The following DENND3 variants were observed in gnomAD, a reference collection of about 807,000 sequenced individuals.
The protein encoded by DENND3 is DENN domain containing 3.
In DENND3, 88 loss-of-function variants were observed where a neutral mutation model predicts 135.1. The observed-to-expected ratio is 0.65, with a 90% CI of 0.55 to 0.78. The LOEUF (loss-of-function observed/expected upper bound fraction) is 0.78, where lower values mean the gene tolerates loss of function less well. Ranked by LOEUF, DENND3 falls within the 30% of genes least tolerant of loss-of-function variation. The pLI is 0.00. For synonymous variants in DENND3, 693 were observed against 712.3 expected, an observed-to-expected ratio of 0.97 and a Z score of 0.43; for missense variants, 1,392 against 1,688.4, an observed-to-expected ratio of 0.82 and a Z score of 3.08.
rs77686965 is a variant in DENND3, at chr8:141,131,879, G to A, written c.102+3070G>A. Among the ~76,000 whole-genome samples, 415 of 152,256 alleles carry A rather than the reference G, an allele frequency of 2.7e-3. 1 individual carries two copies. Among genetic ancestry groups the A allele is most frequent in the Non-Finnish European group, 3.9e-3 (265 of 68,006 alleles). ...GACTGGCAGAGGTGACTAGCGTCTCGGTGGTGGCGGGGTCTGGTTGTTCAG... is the reference window on the plus strand; with the variant it reads ...GACTGGCAGAGGTGACTAGCGTCTCAGTGGTGGCGGGGTCTGGTTGTTCAG... On this transcript the variant is annotated intron_variant, in intron 1 of 22. Transcript: ENST00000519811.
intron 8 of DENND3, among the ~76,000 whole-genome samples, chr8:141,160,181 T>A (rs1163590588): frequency 1.2e-5 from 1 of 84,046 alleles, no homozygotes; most frequent in Non-Finnish European, 2.5e-5. Context: ...GATGTATTTT[T>A]TTTTTTTTTT....
chr8:141,186,119 G>A (rs898522416), intron 18 of DENND3, among the ~76,000 whole-genome samples: 3 of 151,782 alleles, frequency 2.0e-5, no homozygotes, highest in East Asian at 2.0e-4. Context: ...TGTATTTTTT[G>A]TAGAGATGAG....
At chr8:141,165,317 CAGCTCTTT>C in intron 11 of DENND3, 28 bp downstream of exon 11, 2 of 1,574,126 alleles carry the variant, frequency 1.3e-6, no homozygotes, top group Non-Finnish European at 1.7e-6. Context: ...TTTGGATCTG[CAGCTCTTT>C]AGGAATCACA....
chr8:141,190,562 A>G lies in DENND3; in HGVS notation c.3379+145A>G, dbSNP rs1295931297. The stretch of plus-strand genomic sequence containing the variant: ...ACTCGGGTTCCCTTTCTGTGGTCGC[A>G]GCAACCTTTACTCCACCTGCACTGC... On this transcript the variant is annotated intron_variant, in intron 20 of 22. Coordinates refer to ENST00000519811, the MANE Select transcript of DENND3 (RefSeq NM_001352890.3). The G allele has an allele frequency of 3.9e-6, 5 of 1,280,002 alleles. No individual in the cohort carries two copies. The East Asian group carries it at 1.4e-4, about 36-fold the overall frequency. The allele number at this position is 1,280,002 out of a possible 1,614,324, so 79.3% of individuals were successfully genotyped here.
At position 141,166,262 on chromosome 8, in the gene DENND3, G is replaced by A; in HGVS notation, c.1626G>A (p.Leu542=). Residue 542 remains leucine, a synonymous_variant, in exon 12 of 23, where the codon CTG becomes CTA. Coordinates refer to ENST00000519811, the MANE Select transcript of DENND3 (RefSeq NM_001352890.3). The surrounding 1 kb of genome is among the most constrained non-coding windows in gnomAD (Gnocchi z 4.3). ...EKRASRKSSH[L]HVTHRRMVVS... The stretch of plus-strand genomic sequence containing the variant: ...GAGCCTCCCGGAAGTCCTCGCACCT[G>A]CATGTCACCCACAGGCGCATGGTGG... 1 of 1,614,144 alleles carries A rather than the reference G, an allele frequency of 6.2e-7. No individual in the cohort carries two copies. The highest frequency in any genetic ancestry group is 1.1e-5 in the South Asian group (1 of 91,086).
In DENND3 at chr8:141,154,237, T is replaced by G. The variant is rs185312578; in HGVS notation, c.1075-1612T>G. Among the ~76,000 whole-genome samples, 10 of 152,362 alleles carry G rather than the reference T, an allele frequency of 6.6e-5. No individual in the cohort carries two copies. The East Asian group carries it at 1.9e-3, about 29-fold the overall frequency. On this transcript the variant is annotated intron_variant, in intron 7 of 22. Transcript: ENST00000519811. The surrounding 1 kb of genome is among the most constrained non-coding windows in gnomAD (Gnocchi z 4.4). ...CCTTCCCCAGGAACCTGGCATTGCA[T>G]TCCGGGGCTGTTGAAGTGCAGGGCT... is the stretch of plus-strand genomic sequence containing the variant.
Position 141,141,432 on chromosome 8 carries a change from T to G in DENND3, c.623+108T>G. ...GAGGTGGTGGGGGGGCAGCTCTCTG[T>G]TCCTCTCCTGGTGAGCCGGGGGACC... is the stretch of plus-strand genomic sequence containing the variant. On this transcript the variant is annotated intron_variant, in intron 4 of 22. Transcript: ENST00000519811. The surrounding 1 kb of genome is among the most constrained non-coding windows in gnomAD (Gnocchi z 5.3). The G allele has an allele frequency of 5.6e-5, 64 of 1,135,880 alleles. No individual in the cohort carries two copies. Among genetic ancestry groups the G allele is most frequent in the East Asian group, 1.9e-4 (5 of 26,656 alleles). 70.4% of individuals were successfully genotyped at this position (1,135,880 alleles called of 1,614,324 possible). A position where few individuals can be genotyped will look rare whatever the true frequency, so the allele number is the denominator to read the frequency against.
intron 13 of DENND3, among the ~76,000 whole-genome samples, chr8:141,172,946 A>G (rs1208290533): frequency 1.8e-5 from 2 of 111,498 alleles, no homozygotes. Flanking sequence ...AAATACATAA[A>G]ATAAAAACTA....
At chr8:141,173,266 A>G (rs901181843) in intron 13 of DENND3, among the ~76,000 whole-genome samples, 1 of 152,208 alleles carries the variant, frequency 6.6e-6, no homozygotes, top group African/African-American at 2.4e-5. Flanking sequence ...GAACAATTGC[A>G]CTAGGCCTAC....
At chr8:141,134,786 G>A (rs1024644576) in intron 1 of DENND3, among the ~76,000 whole-genome samples, 1 of 152,154 alleles carries the variant, frequency 6.6e-6, no homozygotes, top group Non-Finnish European at 1.5e-5. Context: ...TTGAGTGTTG[G>A]CTGTGCGTTT....
At chr8:141,153,055 G>A (rs547544929) in intron 7 of DENND3, among the ~76,000 whole-genome samples, 14 of 150,600 alleles carry the variant, frequency 9.3e-5, no homozygotes, top group Non-Finnish European at 1.8e-4. Context: ...GTACAGGGTC[G>A]GTTTACATTT....
chr8:141,155,287 T>C (rs1048384078), intron 7 of DENND3, among the ~76,000 whole-genome samples: 2 of 152,194 alleles, frequency 1.3e-5, no homozygotes, highest in Non-Finnish European at 2.9e-5. Context: ...TTACCACAAT[T>C]AAGAAAAATA....
chr8:141,192,281 A>G lies in DENND3; in HGVS notation c.3380-50A>G, dbSNP rs377137383. 1.6e-5 allele frequency: 26 copies of G among 1,603,584 alleles called. No individual in the cohort carries two copies. The African/African-American group carries it at 2.5e-4, about 16-fold the overall frequency. ...AGGCCGGCTCTGGTGCTGGCGTCTT[A>G]TGTTGCCAATGACACTGCCTGGCCC... On this transcript the variant is annotated intron_variant, in intron 20 of 22. Transcript: ENST00000519811.
At position 141,185,277 on chromosome 8, in the gene DENND3, T is replaced by C. The variant is rs747898638; in HGVS notation, c.3083T>C (p.Val1028Ala). 9.4e-5 allele frequency: 152 copies of C among 1,614,018 alleles called. No homozygotes were observed. Among genetic ancestry groups the C allele is most frequent in the Non-Finnish European group, 1.3e-4 (149 of 1,180,010 alleles). The change falls in exon 18 of 23, where the codon GTG becomes GCG. Residue 1028 changes from valine to alanine, a missense_variant and splice_region_variant. Coordinates refer to ENST00000519811, the MANE Select transcript of DENND3 (RefSeq NM_001352890.3). The stretch of plus-strand genomic sequence containing the variant: ...TCCTTTAAAGTGGGCACTGCAAAAG[T>C]GGTGAGTACACGAAGCGTCAGGAAA... ...QHSFKVGTAKVNCMVMADQNQ... is the reference protein window; with the variant it reads ...QHSFKVGTAKANCMVMADQNQ...
chr8:141,147,590 T>A (rs886689227), intron 5 of DENND3, among the ~76,000 whole-genome samples: 49 of 152,250 alleles, frequency 3.2e-4, no homozygotes, highest in Admixed American at 3.2e-3. Flanking sequence ...AGCGGTCAGG[T>A]CTTCGGATCG....
chr8:141,172,485 C>G (rs1194946145), intron 13 of DENND3, among the ~76,000 whole-genome samples: 1 of 152,168 alleles, frequency 6.6e-6, no homozygotes, highest in Non-Finnish European at 1.5e-5. Context: ...GAAGCTGTGT[C>G]AGGCTCTGGT....
chr8:141,193,887 GCCCTGA>G, intron 22 of DENND3, 140 bp from the exon 23 acceptor site: 1 of 871,472 alleles, frequency 1.1e-6, no homozygotes, highest in Non-Finnish European at 1.8e-6. Flanking sequence ...CTGCCAGGCG[GCCCTGA>G]CCCTCAGGCG....
At chr8:141,171,997 G>T (rs573464477) in intron 13 of DENND3, among the ~76,000 whole-genome samples, 114 of 149,842 alleles carry the variant, frequency 7.6e-4, no homozygotes, top group Non-Finnish European at 3.0e-5. Context: ...GGTGGTGGCC[G>T]TGCACAGTGG....
intron 1 of DENND3, among the ~76,000 whole-genome samples, chr8:141,129,213 G>A (rs1236543462): frequency 6.6e-6 from 1 of 152,236 alleles, no homozygotes; most frequent in Non-Finnish European, 1.5e-5. Context: ...GAAGCCGCCG[G>A]AGCCTCACGG....
Sources: allele counts gnomAD v4.1 joint callset (sites outside exome capture counted in the v4.1 genomes callset), GRCh38; gene constraint gnomAD v4.1.1; non-coding constraint Gnocchi (gnomAD v3.1); transcripts MANE v1.5; gene names NCBI Gene and HGNC (gene_info 2026-07-23, HGNC 2026-07-21).